The following RABGAP1L variants were observed in gnomAD, a reference collection of about 807,000 sequenced individuals.
RABGAP1L encodes RAB GTPase activating protein 1 like.
RABGAP1L carries 63 observed loss-of-function variants against 137.7 expected under a neutral mutation model. The ratio of observed to expected loss-of-function variants is 0.46; its 90% CI spans 0.37 to 0.56. The LOEUF (loss-of-function observed/expected upper bound fraction) is 0.56. Ranked by LOEUF, RABGAP1L falls within the 20% of genes least tolerant of loss-of-function variation. RABGAP1L has a pLI of 0.00. For missense variants in RABGAP1L, 1,095 were observed against 1,244.0 expected (o/e 0.88, Z 1.80); for synonymous variants, 431 against 433.7 (o/e 0.99, Z 0.08).
At chr1:174,476,577 T>C (rs1658535719) in intron 13 of RABGAP1L, among the ~76,000 whole-genome samples, 1 of 152,204 alleles carries the variant, frequency 6.6e-6, no homozygotes, top group Non-Finnish European at 1.5e-5. Context: ...AATTAAAACA[T>C]GAAGTAAGGA....
At chr1:174,504,730 A>G (rs191000928) in intron 13 of RABGAP1L, among the ~76,000 whole-genome samples, 148 of 152,322 alleles carry the variant, frequency 9.7e-4, no homozygotes, top group African/African-American at 3.4e-3. Context: ...TCAAGTCAAA[A>G]TGAAGACTTA....
At chr1:174,353,753 A>G (rs184105338) in intron 11 of RABGAP1L, among the ~76,000 whole-genome samples, 19 of 152,336 alleles carry the variant, frequency 1.2e-4, no homozygotes, top group Admixed American at 5.2e-4. Context: ...CCCCAAGTAC[A>G]TGGATTCTGT....
chr1:174,249,257 A>G (rs1355779661), intron 5 of RABGAP1L, among the ~76,000 whole-genome samples: 4 of 152,188 alleles, frequency 2.6e-5, no homozygotes, highest in Admixed American at 2.6e-4. Flanking sequence ...TAGCACAACA[A>G]CATTGAGTAA....
chr1:174,196,440 A>G (rs1300629276), intron 1 of RABGAP1L, among the ~76,000 whole-genome samples: 2 of 151,764 alleles, frequency 1.3e-5, no homozygotes, highest in African/African-American at 4.8e-5. Context: ...TAGCCAGGAT[A>G]GTCTCGATCT....
intron 13 of RABGAP1L, among the ~76,000 whole-genome samples, chr1:174,491,478 C>G (rs1284162606): frequency 6.6e-6 from 1 of 151,906 alleles, no homozygotes; most frequent in East Asian, 1.9e-4. Context: ...TCTTCCCTTT[C>G]CTCTCCTCAA....
intron 13 of RABGAP1L, among the ~76,000 whole-genome samples, chr1:174,450,482 T>A (rs907892478): frequency 6.6e-6 from 1 of 152,248 alleles, no homozygotes; most frequent in African/African-American, 2.4e-5. Context: ...AAAATACTTT[T>A]GTGTAATTGT....
At chr1:174,702,683 A>T (rs1679748228) in intron 17 of RABGAP1L, among the ~76,000 whole-genome samples, 3 of 152,152 alleles carry the variant, frequency 2.0e-5, no homozygotes, top group Non-Finnish European at 2.9e-5. Context: ...CTTTCTGTTT[A>T]TCATGTTTGG....
intron 13 of RABGAP1L, among the ~76,000 whole-genome samples, chr1:174,429,162 T>G (rs958000679): frequency 1.3e-5 from 2 of 152,216 alleles, no homozygotes; most frequent in African/African-American, 2.4e-5. Flanking sequence ...ATCATTAATC[T>G]AAAGGATAGT....
intron 12 of RABGAP1L, among the ~76,000 whole-genome samples, chr1:174,376,197 AAAGG>A (rs959129751): frequency 1.3e-5 from 2 of 151,602 alleles, no homozygotes; most frequent in African/African-American, 2.4e-5. Context: ...TGAAGGAAAG[AAAGG>A]AAGAAAGAAA....
intron 17 of RABGAP1L, among the ~76,000 whole-genome samples, chr1:174,747,285 C>T (rs1324997040): frequency 6.6e-6 from 1 of 151,554 alleles, no homozygotes; most frequent in Non-Finnish European, 1.5e-5. Context: ...CACATGTAGT[C>T]CCAGCTACTT....
At chr1:174,165,005 T>G (rs1664786919) in intron 1 of RABGAP1L, among the ~76,000 whole-genome samples, 2 of 152,090 alleles carry the variant, frequency 1.3e-5, no homozygotes, top group Non-Finnish European at 2.9e-5. Context: ...TCAGTTTGAA[T>G]AAAGATGGAC....
intron 17 of RABGAP1L, among the ~76,000 whole-genome samples, chr1:174,732,950 G>C (rs915306295): frequency 1.3e-5 from 2 of 152,040 alleles, no homozygotes; most frequent in Non-Finnish European, 2.9e-5. Context: ...TTAACTGTGT[G>C]TCAGACACTT....
At chr1:174,865,057 G>GC (rs1170426198) in intron 19 of RABGAP1L, among the ~76,000 whole-genome samples, 1 of 152,112 alleles carries the variant, frequency 6.6e-6, no homozygotes, top group African/African-American at 2.4e-5. Context: ...GTTTGAGGCT[G>GC]CCGTAAGCCA....
intron 19 of RABGAP1L, among the ~76,000 whole-genome samples, chr1:174,818,054 A>C (rs578129536): frequency 1.3e-5 from 2 of 152,246 alleles, no homozygotes; most frequent in African/African-American, 4.8e-5. Context: ...CACAACTCAT[A>C]TCCAAGTAGA....
intron 4 of RABGAP1L, chr1:174,238,861 C>A: frequency 6.4e-6 from 1 of 156,210 alleles, no homozygotes; most frequent in Non-Finnish European, 1.4e-5. Flanking sequence ...GCGCCCCTCC[C>A]CCAGCCTTGC....
chr1:174,601,259 C>G (rs907375838), intron 13 of RABGAP1L, among the ~76,000 whole-genome samples: 1 of 152,206 alleles, frequency 6.6e-6, no homozygotes, highest in Non-Finnish European at 1.5e-5. Context: ...GCCTCCAGGC[C>G]TGTGATGGGA....
chr1:174,365,661 C>T (rs1325344989), intron 11 of RABGAP1L, among the ~76,000 whole-genome samples: 1 of 152,164 alleles, frequency 6.6e-6, no homozygotes, highest in Non-Finnish European at 1.5e-5. Context: ...TGTTCCTTAT[C>T]CCCAAAGTGT....
At chr1:174,336,335 A>G (rs1681464234) in intron 11 of RABGAP1L, among the ~76,000 whole-genome samples, 1 of 152,078 alleles carries the variant, frequency 6.6e-6, no homozygotes, top group Non-Finnish European at 1.5e-5. Context: ...GTGTTGCCCA[A>G]GCTGGTCTGG....
chr1:174,580,574 G>A (rs976616324), intron 13 of RABGAP1L, among the ~76,000 whole-genome samples: 3 of 151,806 alleles, frequency 2.0e-5, no homozygotes, highest in Non-Finnish European at 4.4e-5. Flanking sequence ...GGTGGGAATC[G>A]AACAATGAGA....
Sources: gnomAD v4.1 joint callset for allele counts (sites outside exome capture counted in the v4.1 genomes callset) on GRCh38, gnomAD v4.1.1 for gene constraint, MANE v1.5 for transcripts, NCBI Gene and HGNC (gene_info 2026-07-23, HGNC 2026-07-21) for gene names.